SAMMSON: variants seen among roughly 807,000 people sequenced by gnomAD.
SAMMSON encodes the protein survival associated mitochondrial melanoma specific oncogenic non-coding RNA.
At chr3:70,037,438 C>T (rs1040360616) in intron 3 of SAMMSON, among the ~76,000 whole-genome samples, 9 of 152,096 alleles carry the variant, frequency 5.9e-5, no homozygotes, top group African/African-American at 1.4e-4. Context: ...TCCTCCGCCC[C>T]GACTACTTTT....
chr3:70,106,393 T>C (rs1484284779), intron 4 of SAMMSON, among the ~76,000 whole-genome samples: 1 of 151,172 alleles, frequency 6.6e-6, no homozygotes, highest in Non-Finnish European at 1.5e-5. Flanking sequence ...CAGGCTGGAG[T>C]GCAGTGGCAT....
intron 9 of SAMMSON, among the ~76,000 whole-genome samples, chr3:70,380,734 C>T (rs1008293731): frequency 1.3e-5 from 2 of 152,002 alleles, no homozygotes; most frequent in African/African-American, 4.8e-5. Flanking sequence ...TGATGTTCCC[C>T]TTCCTTTGTC....
chr3:70,380,625 T>C (rs922237066), intron 9 of SAMMSON, among the ~76,000 whole-genome samples: 2 of 152,142 alleles, frequency 1.3e-5, no homozygotes, highest in Non-Finnish European at 2.9e-5. Context: ...GTGTGCCATG[T>C]TGGTGTGCTG....
rs147090850 is a variant in SAMMSON at position 70,263,728 on chromosome 3, C to T, written n.674+14058C>T. On this transcript the variant is annotated intron_variant and non_coding_transcript_variant, in intron 6 of 9. Transcript: ENST00000642114. ...GTTCTCTGCCCTATAAATTTCTATC[C>T]TCTCTGCCTCCCCAAATTTCAATTT... Among the ~76,000 whole-genome samples the T allele has an allele frequency of 2.6e-4, 40 of 152,272 alleles. No homozygotes were observed. The East Asian group carries it at 7.3e-3, about 28-fold the overall frequency.
intron 4 of SAMMSON, among the ~76,000 whole-genome samples, chr3:70,235,026 T>C (rs899457886): frequency 3.9e-5 from 6 of 152,326 alleles, no homozygotes; most frequent in African/African-American, 1.2e-4. Flanking sequence ...TGAGAACCTC[T>C]GCCCCAAAGA....
At chr3:70,364,246 C>T (rs1450475963) in intron 9 of SAMMSON, among the ~76,000 whole-genome samples, 1 of 151,842 alleles carries the variant, frequency 6.6e-6, no homozygotes, top group Non-Finnish European at 1.5e-5. Context: ...CTGGCAGTTT[C>T]ATCAATAAAG....
rs77805645 is a variant in SAMMSON, at chr3:70,376,293, G to T, written n.914-13281G>T. ...TTGTCTCCAGTTCGTCCTTCAACTA[G>T]TTGGTGATTTTGGGTAAAGTGTTTT... On this transcript the variant is annotated intron_variant and non_coding_transcript_variant, in intron 9 of 9. Transcript: ENST00000642114. 1.9e-3 allele frequency among the ~76,000 whole-genome samples: 283 copies of T among 152,272 alleles called. 1 individual carries two copies. The highest frequency in any genetic ancestry group is 2.7e-3 in the Non-Finnish European group (185 of 68,022).
intron 4 of SAMMSON, among the ~76,000 whole-genome samples, chr3:70,212,616 TG>T (rs1424619001): frequency 6.6e-6 from 1 of 152,140 alleles, no homozygotes; most frequent in Non-Finnish European, 1.5e-5. Flanking sequence ...CAGCAGTCAT[TG>T]GCTCTGAATA....
At chr3:70,414,339 T>A (rs1235245079) in intron 2 of SAMMSON, among the ~76,000 whole-genome samples, 1 of 152,162 alleles carries the variant, frequency 6.6e-6, no homozygotes, top group Non-Finnish European at 1.5e-5. Flanking sequence ...TTTATCAAAA[T>A]GATTAGTTTA....
chr3:70,012,910 A>C (rs1206345237), intron 2 of SAMMSON, among the ~76,000 whole-genome samples: 2 of 152,108 alleles, frequency 1.3e-5, no homozygotes, highest in East Asian at 3.9e-4. Flanking sequence ...ACAAGGAAGC[A>C]CCGTTCTTCC....
At chr3:70,338,158 T>C (rs931311177) in intron 7 of SAMMSON, among the ~76,000 whole-genome samples, 103 of 152,128 alleles carry the variant, frequency 6.8e-4, no homozygotes, top group African/African-American at 2.3e-3. Flanking sequence ...AGAATCCTAG[T>C]TCTCTCCCTC....
rs547188162 is a variant in SAMMSON at position 70,284,871 on chromosome 3, C to T, written n.675-6308C>T. ...GACACAAGTTTACCTATGTAACAAACCTGCACATGTACCCCTGAACTGAAA... is the reference window on the plus strand; with the variant it reads ...GACACAAGTTTACCTATGTAACAAATCTGCACATGTACCCCTGAACTGAAA... On this transcript the variant is annotated intron_variant and non_coding_transcript_variant, in intron 6 of 9. Coordinates refer to ENST00000642114, the Ensembl canonical transcript of SAMMSON. 5.3e-5 allele frequency among the ~76,000 whole-genome samples: 8 copies of T among 152,120 alleles called. No homozygotes were observed. In the South Asian group the frequency reaches 1.7e-3, roughly 32 times the overall value.
intron 1 of SAMMSON, among the ~76,000 whole-genome samples, chr3:70,006,340 T>A (rs755172954): frequency 6.6e-6 from 1 of 152,170 alleles, no homozygotes; most frequent in Non-Finnish European, 1.5e-5. Context: ...AATAACCACA[T>A]CATAAGAAAG....
intron 2 of SAMMSON, among the ~76,000 whole-genome samples, chr3:70,413,164 T>A (rs1241884550): frequency 6.6e-6 from 1 of 152,126 alleles, no homozygotes; most frequent in Non-Finnish European, 1.5e-5. Flanking sequence ...CTGAAGCTTC[T>A]AACTTGAAAC....
intron 2 of SAMMSON, among the ~76,000 whole-genome samples, chr3:70,395,794 G>T (rs1295767715): frequency 3.9e-5 from 6 of 152,036 alleles, no homozygotes; most frequent in Non-Finnish European, 5.9e-5. Context: ...AGGAGTCAAT[G>T]CTCTAAGTTC....
chr3:70,314,015 G>A (rs1203090338), intron 7 of SAMMSON, among the ~76,000 whole-genome samples: 1 of 152,068 alleles, frequency 6.6e-6, no homozygotes, highest in African/African-American at 2.4e-5. Context: ...TCCTAGAAAT[G>A]TTTCCATCTC....
intron 2 of SAMMSON, among the ~76,000 whole-genome samples, chr3:70,417,132 G>A (rs186022169): frequency 1.2e-4 from 18 of 152,156 alleles, no homozygotes; most frequent in Admixed American, 6.5e-4. Context: ...AGATAGCTTG[G>A]CACAGGAGTA....
downstream of SAMMSON, among the ~76,000 whole-genome samples, chr3:70,392,980 G>C (rs891690827): frequency 2.0e-5 from 3 of 152,026 alleles, no homozygotes; most frequent in Non-Finnish European, 2.9e-5. Context: ...TGCACATTTT[G>C]GGATCTCCAA....
At position 70,047,526 on chromosome 3, in the gene SAMMSON, G is replaced by A. The variant is rs761380896; in HGVS notation, n.418-23950G>A. 2.6e-5 allele frequency among the ~76,000 whole-genome samples: 4 copies of A among 151,942 alleles called. No individual in the cohort carries two copies. The South Asian group carries it at 6.3e-4, about 24-fold the overall frequency. On this transcript the variant is annotated intron_variant and non_coding_transcript_variant, in intron 3 of 9. Transcript: ENST00000642114. ...TAATTTTTGTATTTTTAGTAGAGAC[G>A]GGGTTTCACCATGTTGTCTGGCTGG...
Sources: gnomAD v4.1 joint callset for allele counts (sites outside exome capture counted in the v4.1 genomes callset) on GRCh38, gnomAD v4.1.1 for gene constraint, MANE v1.5 for transcripts, NCBI Gene and HGNC (gene_info 2026-07-23, HGNC 2026-07-21) for gene names.